Variants in TMTC2 observed in about 807,000 individuals in gnomAD.
TMTC2 encodes the protein protein O-mannosyl-transferase TMTC2.
Under a neutral mutation model 82.4 loss-of-function variants are expected in TMTC2, and 43 were observed. The ratio of observed to expected loss-of-function variants is 0.52; its 90% CI spans 0.41 to 0.67. TMTC2 has a LOEUF of 0.67. Ranked by LOEUF, TMTC2 falls within the 30% of genes least tolerant of loss-of-function variation. TMTC2 has a pLI of 0.00. For missense variants in TMTC2, 919 were observed against 1,012.4 expected (o/e 0.91, Z 1.25); for synonymous variants, 408 against 381.9 (o/e 1.07, Z -0.80).
intron 1 of TMTC2, among the ~76,000 whole-genome samples, chr12:82,844,158 A>T (rs997930238): frequency 3.3e-5 from 5 of 152,148 alleles, no homozygotes; most frequent in African/African-American, 7.2e-5. Context: ...GAGTCAGTGG[A>T]TTCACAATCA....
chr12:82,924,174 G>A (rs1388955170), intron 3 of TMTC2, among the ~76,000 whole-genome samples: 1 of 152,152 alleles, frequency 6.6e-6, no homozygotes, highest in Non-Finnish European at 1.5e-5. Context: ...ACTACTTCTT[G>A]CGCTGAGAGA....
At chr12:82,790,192 A>AG (rs1288868180) in intron 1 of TMTC2, among the ~76,000 whole-genome samples, 1 of 151,338 alleles carries the variant, frequency 6.6e-6, no homozygotes, top group East Asian at 1.9e-4. Context: ...AAAAAAAAAA[A>AG]AGATGGGTAA....
chr12:83,129,749 G>A (rs1344108729), intron 11 of TMTC2, among the ~76,000 whole-genome samples: 2 of 152,126 alleles, frequency 1.3e-5, no homozygotes, highest in African/African-American at 4.8e-5. Flanking sequence ...TAAGGAAAAG[G>A]AAAGGAAAAT....
intron 1 of TMTC2, among the ~76,000 whole-genome samples, chr12:82,711,135 G>A (rs945358135): frequency 4.6e-5 from 7 of 152,166 alleles, no homozygotes; most frequent in African/African-American, 1.7e-4. Flanking sequence ...AAAGTCATTA[G>A]GAGTATAGAA....
chr12:82,937,797 C>CAT (rs1876464171), intron 4 of TMTC2, among the ~76,000 whole-genome samples: 1 of 22,120 alleles, frequency 4.5e-5, no homozygotes, highest in Non-Finnish European at 9.8e-5. Context: ...TATATATATA[C>CAT]ACACATATAT....
At chr12:83,029,362 T>C (rs1376855098) in intron 8 of TMTC2, among the ~76,000 whole-genome samples, 1 of 152,146 alleles carries the variant, frequency 6.6e-6, no homozygotes, top group African/African-American at 2.4e-5. Context: ...TTAGTGTTAG[T>C]GTATTTTATG....
intron 9 of TMTC2, among the ~76,000 whole-genome samples, chr12:83,050,348 A>G (rs1882299447): frequency 6.6e-6 from 1 of 152,190 alleles, no homozygotes; most frequent in African/African-American, 2.4e-5. Context: ...TTTGAGGTAC[A>G]GTTGAAAGAG....
intron 11 of TMTC2, among the ~76,000 whole-genome samples, chr12:83,118,734 A>G (rs1472586513): frequency 6.6e-6 from 1 of 152,012 alleles, no homozygotes; most frequent in Non-Finnish European, 1.5e-5. Context: ...TGTCAATAGG[A>G]TTGGTACCAA....
chr12:82,994,397 C>T (rs1322031294), intron 8 of TMTC2, among the ~76,000 whole-genome samples: 1 of 152,066 alleles, frequency 6.6e-6, no homozygotes, highest in African/African-American at 2.4e-5. Flanking sequence ...TCCCAAAATG[C>T]TGGGATTACA....
intron 1 of TMTC2, among the ~76,000 whole-genome samples, chr12:82,764,505 T>G (rs1644953329): frequency 6.6e-6 from 1 of 152,154 alleles, no homozygotes; most frequent in African/African-American, 2.4e-5. Context: ...ACTTTGCCTC[T>G]GCTCTCTCAC....
chr12:82,716,628 C>T (rs1336829191), intron 1 of TMTC2, among the ~76,000 whole-genome samples: 1 of 152,094 alleles, frequency 6.6e-6, no homozygotes, highest in Admixed American at 6.6e-5. Context: ...TCCCAAAGTG[C>T]TGGGATTACA....
At chr12:82,796,238 G>A (rs1878712374) in intron 1 of TMTC2, among the ~76,000 whole-genome samples, 1 of 152,138 alleles carries the variant, frequency 6.6e-6, no homozygotes, top group Non-Finnish European at 1.5e-5. Context: ...TTCAGTGAAA[G>A]CATTGAGAAC....
intron 1 of TMTC2, among the ~76,000 whole-genome samples, chr12:82,703,436 A>C (rs890341076): frequency 2.0e-5 from 3 of 151,848 alleles, no homozygotes; most frequent in Non-Finnish European, 4.4e-5. Flanking sequence ...GGAAAATTGG[A>C]TAAACTTTTT....
intron 1 of TMTC2, among the ~76,000 whole-genome samples, chr12:82,808,020 TTG>T (rs1189906700): frequency 2.0e-5 from 3 of 151,964 alleles, no homozygotes; most frequent in African/African-American, 7.2e-5. Flanking sequence ...CAAATTTTAA[TTG>T]GATGCAGAAA....
intron 1 of TMTC2, among the ~76,000 whole-genome samples, chr12:82,806,768 CGTT>C (rs986743204): frequency 1.3e-5 from 2 of 152,098 alleles, no homozygotes; most frequent in African/African-American, 4.8e-5. Flanking sequence ...TCTCCATCCT[CGTT>C]GTCTTCACAT....
intron 1 of TMTC2, among the ~76,000 whole-genome samples, chr12:82,756,902 A>G (rs1047134423): frequency 6.6e-6 from 1 of 152,134 alleles, no homozygotes; most frequent in Admixed American, 6.5e-5. Flanking sequence ...TGTGAAGAGA[A>G]TTTGAATCAG....
At chr12:82,803,907 C>T (rs1284598603) in intron 1 of TMTC2, among the ~76,000 whole-genome samples, 1 of 152,064 alleles carries the variant, frequency 6.6e-6, no homozygotes, top group African/African-American at 2.4e-5. Context: ...AACTTCCACT[C>T]CTACTCTGAA....
intron 3 of TMTC2, among the ~76,000 whole-genome samples, chr12:82,904,897 A>G (rs960258577): frequency 3.3e-5 from 5 of 151,342 alleles, no homozygotes; most frequent in African/African-American, 1.2e-4. Context: ...GGTTTTGACT[A>G]TCTTTCTCCA....
intron 2 of TMTC2, 91 bp downstream of exon 2, chr12:82,857,671 T>A: frequency 8.2e-7 from 1 of 1,223,136 alleles, no homozygotes; most frequent in Non-Finnish European, 1.1e-6. Flanking sequence ...TTTATTCCTC[T>A]GCAAGCGGAA....
Sources: allele counts gnomAD v4.1 joint callset (sites outside exome capture counted in the v4.1 genomes callset), GRCh38; gene constraint gnomAD v4.1.1; transcripts MANE v1.5; gene names NCBI Gene and HGNC (gene_info 2026-07-23, HGNC 2026-07-21).